The following NSUN3 variants were observed in gnomAD, a reference collection of about 807,000 sequenced individuals.
NSUN3 encodes the protein NOP2/Sun RNA methyltransferase 3.
A neutral mutation model predicts 36.8 loss-of-function variants in NSUN3; 24 were observed. The ratio of observed to expected loss-of-function variants is 0.65; its 90% CI spans 0.47 to 0.92. NSUN3 has a LOEUF of 0.92. Ranked by LOEUF, NSUN3 falls within the 40% of genes least tolerant of loss-of-function variation. NSUN3 has a pLI of 0.00. For synonymous variants in NSUN3, 146 were observed against 145.2 expected (o/e 1.01, Z -0.04); for missense variants, 381 against 392.8 (o/e 0.97, Z 0.25).
chr3:94,063,288 C>T (rs918721101), intron 1 of NSUN3, 150 bp downstream of exon 1: 1 of 824,434 alleles, frequency 1.2e-6, no homozygotes, highest in Admixed American at 1.8e-5. Flanking sequence ...ACTGTCAAGC[C>T]CTGAAATAAT....
chr3:94,102,237 A>G (rs1006065032), intron 5 of NSUN3, among the ~76,000 whole-genome samples: 8 of 147,278 alleles, frequency 5.4e-5, no homozygotes, highest in African/African-American at 2.0e-4. Context: ...ACTAACATCT[A>G]TTCTCTGATG....
At chr3:94,110,769 CAT>C (rs781722436) in intron 5 of NSUN3, among the ~76,000 whole-genome samples, 5 of 147,292 alleles carry the variant, frequency 3.4e-5, no homozygotes, top group South Asian at 4.2e-4. Flanking sequence ...CACACACACG[CAT>C]ATATATATAC....
chr3:94,102,789 CA>C (rs1209772348), intron 5 of NSUN3, among the ~76,000 whole-genome samples: 2 of 151,906 alleles, frequency 1.3e-5, no homozygotes, highest in African/African-American at 4.8e-5. Flanking sequence ...AAAAATGTGT[CA>C]AATATATATT....
At chr3:94,114,492 A>C (rs1409832508) in intron 5 of NSUN3, among the ~76,000 whole-genome samples, 1 of 152,244 alleles carries the variant, frequency 6.6e-6, no homozygotes, top group African/African-American at 2.4e-5. Flanking sequence ...AATTAAGCTG[A>C]TCACATGTCC....
At chr3:94,064,839 A>G (rs1249275851) in intron 2 of NSUN3, among the ~76,000 whole-genome samples, 2 of 152,228 alleles carry the variant, frequency 1.3e-5, no homozygotes, top group African/African-American at 4.8e-5. Flanking sequence ...AAAATTAATT[A>G]TACTGTAAAA....
In NSUN3 at chr3:94,107,168, C is replaced by A. The variant is rs147823198; in HGVS notation, c.743+12014C>A. ...CTGGTCTCAAACTCCTGGGCTCAAG[C>A]GATCCGCCTGCCTTGGCCTCCCAAA... On this transcript the variant is annotated intron_variant, in intron 5 of 5. Coordinates refer to ENST00000314622, the MANE Select transcript of NSUN3 (RefSeq NM_022072.5). Among the ~76,000 whole-genome samples the A allele has an allele frequency of 1.8e-3, 273 of 151,500 alleles. 1 individual carries two copies. Among genetic ancestry groups the A allele is most frequent in the Middle Eastern group, 6.8e-3 (2 of 294 alleles).
intron 2 of NSUN3, chr3:94,076,647 G>A: frequency 9.7e-7 from 1 of 1,035,764 alleles, no homozygotes; most frequent in Non-Finnish European, 1.5e-6. Context: ...CCTTTTTTCT[G>A]ATGTCCATGG....
intron 5 of NSUN3, among the ~76,000 whole-genome samples, chr3:94,115,135 A>G (rs967747047): frequency 1.3e-5 from 2 of 152,192 alleles, no homozygotes; most frequent in African/African-American, 2.4e-5. Context: ...TATTAATTAT[A>G]TAACTGTTTT....
chr3:94,064,643 G>A lies in NSUN3; in HGVS notation c.122+97G>A, dbSNP rs762074661. On this transcript the variant is annotated intron_variant, in intron 2 of 5. Coordinates refer to ENST00000314622, the MANE Select transcript of NSUN3 (RefSeq NM_022072.5). ...GATGCTGTGAGGTTAAAAGGCAAAG[G>A]AATCTAAATCTGGTTGCCTTTTCCT... is the stretch of plus-strand genomic sequence containing the variant. The A allele has an allele frequency of 1.1e-5, 8 of 725,670 alleles. No individual in the cohort carries two copies. The East Asian group carries it at 2.0e-4, about 18-fold the overall frequency. The allele number at this position is 725,670 out of a possible 1,614,324, so 45.0% of individuals were successfully genotyped here. A position where few individuals can be genotyped will look rare whatever the true frequency, so the allele number is the denominator to read the frequency against.
intron 5 of NSUN3, among the ~76,000 whole-genome samples, chr3:94,114,758 C>A (rs1252114287): frequency 6.6e-6 from 1 of 152,178 alleles, no homozygotes; most frequent in African/African-American, 2.4e-5. Flanking sequence ...CCCTTACCCC[C>A]CTTCTGCCCT....
intron 5 of NSUN3, among the ~76,000 whole-genome samples, chr3:94,116,113 C>A (rs1185964799): frequency 6.6e-6 from 1 of 151,936 alleles, no homozygotes; most frequent in African/African-American, 2.4e-5. Context: ...AATAATTTTT[C>A]TTTTATTTTC....
At chr3:94,111,772 C>T (rs1056007191) in intron 5 of NSUN3, among the ~76,000 whole-genome samples, 11 of 151,700 alleles carry the variant, frequency 7.3e-5, no homozygotes, top group Non-Finnish European at 1.6e-4. Flanking sequence ...GTACCTTCTT[C>T]TGGTAACCTC....
At chr3:94,108,871 G>A (rs1269497320) in intron 5 of NSUN3, among the ~76,000 whole-genome samples, 1 of 152,014 alleles carries the variant, frequency 6.6e-6, no homozygotes, top group Non-Finnish European at 1.5e-5. Flanking sequence ...CACCATGTTG[G>A]TCAGGCTGGT....
chr3:94,084,374 G>A lies in NSUN3; in HGVS notation c.390G>A (p.Arg130=), dbSNP rs1224705823. 4 of 1,614,024 alleles carry A rather than the reference G, an allele frequency of 2.5e-6. No individual in the cohort carries two copies. The highest frequency in any genetic ancestry group is 2.7e-5 in the African/African-American group (2 of 74,928). The change falls in exon 3 of 6, where the codon AGG becomes AGA. Residue 130 remains arginine, a synonymous_variant. Transcript: ENST00000314622. ...TCCCAGTGTTGGCTCTGGAATTAAGGGATGGGGAGAAGGTTCTGGATCTCT... is the reference window on the plus strand; with the variant it reads ...TCCCAGTGTTGGCTCTGGAATTAAGAGATGGGGAGAAGGTTCTGGATCTCT... ...SLLPVLALEL[R]DGEKVLDLCA... is the part of the protein sequence containing the mutation.
intron 2 of NSUN3, among the ~76,000 whole-genome samples, chr3:94,078,568 G>A (rs1476768531): frequency 6.6e-6 from 1 of 152,158 alleles, no homozygotes; most frequent in Non-Finnish European, 1.5e-5. Context: ...TTGTGTGGGA[G>A]TCTAAGTCTC....
intron 5 of NSUN3, among the ~76,000 whole-genome samples, chr3:94,112,872 C>CT (rs774346893): frequency 9.3e-4 from 139 of 149,248 alleles, no homozygotes; most frequent in African/African-American, 2.9e-3. Context: ...TAACAAAACT[C>CT]TTTTTTTTTT....
intron 2 of NSUN3, among the ~76,000 whole-genome samples, chr3:94,070,783 G>A (rs930065533): frequency 5.9e-5 from 9 of 152,158 alleles, no homozygotes; most frequent in Non-Finnish European, 1.3e-4. Flanking sequence ...GAAACTATTG[G>A]AGTGTCAGTG....
intron 5 of NSUN3, among the ~76,000 whole-genome samples, chr3:94,115,418 C>T (rs956663380): frequency 3.3e-5 from 5 of 151,804 alleles, no homozygotes; most frequent in African/African-American, 9.7e-5. Context: ...ACTCTAATGG[C>T]GAAGGAAGGG....
At chr3:94,112,736 G>C (rs537692037) in intron 5 of NSUN3, among the ~76,000 whole-genome samples, 6 of 152,336 alleles carry the variant, frequency 3.9e-5, no homozygotes, top group African/African-American at 1.4e-4. Flanking sequence ...ATTAGCCTTG[G>C]CTGTGCCCAA....
Sources: allele counts gnomAD v4.1 joint callset (sites outside exome capture counted in the v4.1 genomes callset), GRCh38; gene constraint gnomAD v4.1.1; transcripts MANE v1.5; gene names NCBI Gene and HGNC (gene_info 2026-07-23, HGNC 2026-07-21).